Variants in NUP35 observed in about 807,000 individuals in gnomAD.
NUP35 encodes nucleoporin NUP35.
NUP35 carries 25 observed loss-of-function variants against 41.5 expected under a neutral mutation model. The ratio of observed to expected loss-of-function variants is 0.60; its 90% CI spans 0.44 to 0.84. The LOEUF (loss-of-function observed/expected upper bound fraction) is 0.84. NUP35 is among the 40% of genes least tolerant of loss of function. The pLI is 0.00. For synonymous variants in NUP35, 149 were observed against 130.7 expected, an observed-to-expected ratio of 1.14 and a Z score of -0.96; for missense variants, 396 against 396.6, an observed-to-expected ratio of 1.00 and a Z score of 0.01.
Position 183,124,514 on chromosome 2 carries a change from T to G in NUP35, c.40+17T>G, listed in dbSNP as rs1180398915. The G allele has an allele frequency of 1.9e-6, 3 of 1,613,908 alleles. No individual in the cohort carries two copies. Among genetic ancestry groups the G allele is most frequent in the Non-Finnish European group, 2.5e-6 (3 of 1,179,952 alleles). ...CCGCGTTAGGTGAGTGAAATATTGCTTTTCCTTGCTGGCACTGCCATCCAT... is the reference window on the plus strand; with the variant it reads ...CCGCGTTAGGTGAGTGAAATATTGCGTTTCCTTGCTGGCACTGCCATCCAT... On this transcript the variant is annotated intron_variant, in intron 1 of 8. Coordinates refer to ENST00000295119, the MANE Select transcript of NUP35 (RefSeq NM_138285.5).
chr2:183,117,543 G>C (rs1441878561), exon 1 of NUP35: 1 of 152,220 alleles, frequency 6.6e-6, no homozygotes, highest in Non-Finnish European at 1.5e-5. Context: ...GAGACGGTGA[G>C]AGCATGAGTG....
At chr2:183,134,646 T>C (rs1406755815) in intron 4 of NUP35, among the ~76,000 whole-genome samples, 1 of 151,936 alleles carries the variant, frequency 6.6e-6, no homozygotes, top group Non-Finnish European at 1.5e-5. Context: ...GATGGAGTCT[T>C]GGTCTGTCGC....
chr2:183,143,183 A>C (rs2105582351), intron 4 of NUP35, among the ~76,000 whole-genome samples: 1 of 151,008 alleles, frequency 6.6e-6, no homozygotes, highest in African/African-American at 2.4e-5. Flanking sequence ...AAAGAAATAC[A>C]GCATTCTGTT....
chr2:183,135,009 G>A (rs1684827189), intron 4 of NUP35, among the ~76,000 whole-genome samples: 1 of 152,066 alleles, frequency 6.6e-6, no homozygotes, highest in Non-Finnish European at 1.5e-5. Context: ...CATCTTCACA[G>A]TCAGCAACTT....
chr2:183,126,117 A>C, intron 1 of NUP35, among the ~76,000 whole-genome samples: 1 of 151,308 alleles, frequency 6.6e-6, no homozygotes, highest in Admixed American at 6.6e-5. Context: ...GCTCACTGCA[A>C]CCTCCCCCTC....
intron 4 of NUP35, among the ~76,000 whole-genome samples, chr2:183,149,732 C>T (rs1685398409): frequency 6.6e-6 from 1 of 152,158 alleles, no homozygotes; most frequent in African/African-American, 2.4e-5. Context: ...AGAGCTCATG[C>T]TTTGGATTCC....
intron 1 of NUP35, among the ~76,000 whole-genome samples, chr2:183,124,756 T>A (rs1445316262): frequency 6.6e-6 from 1 of 152,200 alleles, no homozygotes; most frequent in Non-Finnish European, 1.5e-5. Context: ...GCTGTGTTTG[T>A]GCCCCCACAC....
chr2:183,124,441 G>A (rs544918142), upstream of NUP35: 10 of 1,614,110 alleles, frequency 6.2e-6, no homozygotes, highest in Non-Finnish European at 7.6e-6. Flanking sequence ...CTGGTTTTAA[G>A]TGTAGTTGCC....
intron 4 of NUP35, among the ~76,000 whole-genome samples, chr2:183,136,326 T>C (rs2105562935): frequency 6.6e-6 from 1 of 152,342 alleles, no homozygotes. Flanking sequence ...AGGTCAGATA[T>C]CTGGGCTGTT....
rs1360594728 is a variant in NUP35 at position 183,157,458 on chromosome 2, C to T, written c.554C>T (p.Ser185Phe). 1 of 1,612,350 alleles carries T rather than the reference C, an allele frequency of 6.2e-7. No homozygotes were observed. The highest frequency in any genetic ancestry group is 2.2e-5 in the East Asian group (1 of 44,816). Residue 185 changes from serine (S) to phenylalanine (F), a missense_variant, in exon 6 of 9, where the codon TCT (serine) becomes TTT (phenylalanine). Transcript: ENST00000295119. ...CTTTTTTTCAGGTTTCCTCAAGCAT[C>T]TGCTTCCTACATATTACTACAATTT... ...WVTVFGFPQA[S>F]ASYILLQFAQ...
Position 183,159,609 on chromosome 2 carries a change from G to C in NUP35, c.860G>C (p.Arg287Thr). 6.2e-7 allele frequency: 1 copy of C among 1,613,356 alleles called. No homozygotes were observed. The highest frequency in any genetic ancestry group is 8.5e-7 in the Non-Finnish European group (1 of 1,179,668). The change falls in exon 8 of 9, where the codon AGA becomes ACA. Residue 287 changes from arginine to threonine, a missense_variant. By Grantham distance (71) the Arg-to-Thr change is moderately conservative. Transcript: ENST00000295119. Reference sequence around the variant, plus strand: ...AGTACTCCTAGGATTTCTACCATGAGACCTCTTGCTACAGCATACAAAGCC... The same window carrying C: ...AGTACTCCTAGGATTTCTACCATGACACCTCTTGCTACAGCATACAAAGCC... Reference protein sequence around the residue: ...PGSTPRISTMRPLATAYKAST... With the variant: ...PGSTPRISTMTPLATAYKAST...
chr2:183,149,367 C>A (rs1308201381), intron 4 of NUP35, among the ~76,000 whole-genome samples: 2 of 151,984 alleles, frequency 1.3e-5, no homozygotes, highest in Non-Finnish European at 2.9e-5. Flanking sequence ...TAAACATAAT[C>A]TTTTTTGAAG....
intron 2 of NUP35, 71 bp downstream of exon 2, chr2:183,128,528 G>C: frequency 2.8e-6 from 3 of 1,065,070 alleles, no homozygotes; most frequent in Non-Finnish European, 4.0e-6. Context: ...TGGCTTCCCT[G>C]AACCACATTG....
chr2:183,121,327 A>G (rs954460264), upstream of NUP35, among the ~76,000 whole-genome samples: 5 of 152,164 alleles, frequency 3.3e-5, no homozygotes, highest in Admixed American at 2.0e-4. Context: ...ACTAAAATCT[A>G]TAGACACTTC....
exon 1 of NUP35, chr2:183,117,517 C>G (rs1007013584): frequency 6.6e-6 from 1 of 152,196 alleles, no homozygotes; most frequent in African/African-American, 2.4e-5. Flanking sequence ...CCATGCTACA[C>G]CAGGTGCTGA....
intron 4 of NUP35, among the ~76,000 whole-genome samples, chr2:183,147,204 A>G (rs1685310414): frequency 6.6e-6 from 1 of 152,044 alleles, no homozygotes; most frequent in Admixed American, 6.5e-5. Context: ...TCATTAGTTT[A>G]ATTAGGTCCA....
At chr2:183,133,202 C>T (rs752644375) in intron 3 of NUP35, among the ~76,000 whole-genome samples, 1 of 152,032 alleles carries the variant, frequency 6.6e-6, no homozygotes, top group African/African-American at 2.4e-5. Context: ...TTTTGTCACC[C>T]TTCTGTTTTT....
chr2:183,128,599 TAAAA>T (rs34331888), intron 2 of NUP35, 142 bp downstream of exon 2: 130 of 369,704 alleles, frequency 3.5e-4, no homozygotes, highest in Middle Eastern at 1.4e-3. Context: ...GCTGATGAGC[TAAAA>T]AAAAAAAAAA....
In NUP35 at chr2:183,153,677, C is replaced by A. The variant is rs147651496; in HGVS notation, c.539+2028C>A. 9.9e-3 allele frequency among the ~76,000 whole-genome samples: 1,502 copies of A among 152,236 alleles called. 31 individuals are homozygous for A. Among genetic ancestry groups the A allele is most frequent in the African/African-American group, 0.035 (1,438 of 41,542 alleles). Reference sequence around the variant, plus strand: ...GGCTTTGCAGGGTACAGCCTCCCTCCTGGCTGTTTTCCCGTGCTGGCATTG... The same window carrying A: ...GGCTTTGCAGGGTACAGCCTCCCTCATGGCTGTTTTCCCGTGCTGGCATTG... On this transcript the variant is annotated intron_variant, in intron 5 of 8. Coordinates refer to ENST00000295119, the MANE Select transcript of NUP35 (RefSeq NM_138285.5).
Sources: allele counts gnomAD v4.1 joint callset (sites outside exome capture counted in the v4.1 genomes callset), GRCh38; gene constraint gnomAD v4.1.1; transcripts MANE v1.5; gene names NCBI Gene and HGNC (gene_info 2026-07-23, HGNC 2026-07-21).